The following NAALADL2 variants were observed in gnomAD, a reference collection of about 807,000 sequenced individuals.
NAALADL2 encodes inactive N-acetylated-alpha-linked acidic dipeptidase-like protein 2.
A neutral mutation model predicts 87.2 loss-of-function variants in NAALADL2; 76 were observed. The ratio of observed to expected loss-of-function variants is 0.87; its 90% confidence interval spans 0.72 to 1.05. The LOEUF (loss-of-function observed/expected upper bound fraction) is 1.05, where lower values mean the gene tolerates loss of function less well. NAALADL2 is among the 50% of genes least tolerant of loss of function. NAALADL2 has a pLI of 0.00. For synonymous variants in NAALADL2, 354 were observed against 331.0 expected, an observed-to-expected ratio of 1.07 and a Z score of -0.75; for missense variants, 1,089 against 945.8, an observed-to-expected ratio of 1.15 and a Z score of -1.99.
Position 175,759,352 on chromosome 3 carries a change from C to CT in NAALADL2, c.2189+3952dup, listed in dbSNP as rs768277021. ...ATTGTCTTGTGGTAATCAAGAAAGA[C>CT]TTTTTTTTTTTTTTTTTTCTTTTGA... On this transcript the variant is annotated intron_variant, in intron 13 of 13. Transcript: ENST00000454872. Among the ~76,000 whole-genome samples the CT allele has an allele frequency of 8.7e-3, 1,214 of 139,892 alleles. 17 individuals are homozygous for CT. Among genetic ancestry groups the CT allele is most frequent in the South Asian group, 0.049 (212 of 4,358 alleles). 91.8% of individuals were successfully genotyped at this position (139,892 alleles called of 152,430 possible).
intron 5 of NAALADL2, among the ~76,000 whole-genome samples, chr3:175,392,514 A>G (rs1007182510): frequency 1.3e-5 from 2 of 152,218 alleles, no homozygotes; most frequent in Non-Finnish European, 2.9e-5. Context: ...CCTTTCCAAT[A>G]AAATACCTAC....
intron 1 of NAALADL2, among the ~76,000 whole-genome samples, chr3:174,492,641 A>G (rs935641201): frequency 1.3e-5 from 2 of 152,246 alleles, no homozygotes; most frequent in Non-Finnish European, 2.9e-5. Flanking sequence ...TGGAAGGTCT[A>G]TGGTTTTCAG....
intron 2 of NAALADL2, among the ~76,000 whole-genome samples, chr3:175,108,648 C>T (rs1177060026): frequency 1.3e-5 from 2 of 151,898 alleles, no homozygotes; most frequent in African/African-American, 2.4e-5. Flanking sequence ...CAAGCTGCTA[C>T]ATAGATTTAA....
intron 10 of NAALADL2, among the ~76,000 whole-genome samples, chr3:175,578,816 G>A (rs1001816584): frequency 5.3e-5 from 8 of 152,192 alleles, no homozygotes; most frequent in African/African-American, 1.4e-4. Context: ...GAAATATTGT[G>A]TACTTTTTCT....
chr3:175,531,496 T>C (rs145015057), intron 9 of NAALADL2, among the ~76,000 whole-genome samples: 152 of 152,330 alleles, frequency 1.0e-3, no homozygotes, highest in Non-Finnish European at 1.7e-3. Context: ...AATCAGCATG[T>C]CATCAGTGTA....
chr3:175,390,736 C>A lies in NAALADL2; in HGVS notation c.1091-56493C>A, dbSNP rs534419978. On this transcript the variant is annotated intron_variant, in intron 5 of 13. Transcript: ENST00000454872. Reference sequence around the variant, plus strand: ...AAACTCCCTTTATAAACATAAATTTCTTTTGCAAAAGAGGAAATGTATACT... The same window carrying A: ...AAACTCCCTTTATAAACATAAATTTATTTTGCAAAAGAGGAAATGTATACT... 7.4e-4 allele frequency among the ~76,000 whole-genome samples: 112 copies of A among 152,094 alleles called. 1 individual carries two copies. The highest frequency in any genetic ancestry group is 2.6e-3 in the African/African-American group (106 of 41,498).
chr3:175,527,455 A>G (rs1733572224), intron 9 of NAALADL2, among the ~76,000 whole-genome samples: 1 of 152,174 alleles, frequency 6.6e-6, no homozygotes, highest in South Asian at 2.1e-4. Flanking sequence ...TTGAGAAATT[A>G]TTGTTGGATT....
chr3:174,883,125 A>G (rs1007331715), intron 1 of NAALADL2, among the ~76,000 whole-genome samples: 2 of 151,686 alleles, frequency 1.3e-5, no homozygotes, highest in Admixed American at 6.6e-5. Flanking sequence ...ATCTTTTCAC[A>G]TTTTCTTGCC....
At chr3:175,438,512 C>T (rs1719135449) in intron 5 of NAALADL2, among the ~76,000 whole-genome samples, 2 of 151,976 alleles carry the variant, frequency 1.3e-5, no homozygotes, top group Admixed American at 6.6e-5. Flanking sequence ...TCAGTTTGTT[C>T]AATTGATGTT....
chr3:175,654,469 C>T (rs531097132), intron 11 of NAALADL2, among the ~76,000 whole-genome samples: 1 of 152,240 alleles, frequency 6.6e-6, no homozygotes, highest in African/African-American at 2.4e-5. Flanking sequence ...AGCCTTAGAT[C>T]TTTAAACTTC....
rs367659572 is a variant in NAALADL2, at chr3:174,910,981, T to C, written c.43+51531T>C. 5.9e-5 allele frequency among the ~76,000 whole-genome samples: 9 copies of C among 152,186 alleles called. No individual in the cohort carries two copies. In the East Asian group the frequency reaches 9.7e-4, roughly 16 times the overall value. ...TATGAGCTTCCAGGCTGCACTTGCATCTTGTTTATCTCACGGTTCTCAGGG... is the reference window on the plus strand; with the variant it reads ...TATGAGCTTCCAGGCTGCACTTGCACCTTGTTTATCTCACGGTTCTCAGGG... On this transcript the variant is annotated intron_variant, in intron 1 of 13. Coordinates refer to ENST00000454872, the MANE Select transcript of NAALADL2 (RefSeq NM_207015.3).
chr3:175,694,332 C>A (rs994501947), intron 11 of NAALADL2, among the ~76,000 whole-genome samples: 21 of 152,198 alleles, frequency 1.4e-4, no homozygotes, highest in African/African-American at 5.1e-4. Context: ...TTAAAAATAG[C>A]ATTTCCTTTT....
intron 1 of NAALADL2, among the ~76,000 whole-genome samples, chr3:174,934,856 C>CTTCA (rs1737448878): frequency 6.6e-6 from 1 of 151,866 alleles, no homozygotes; most frequent in African/African-American, 2.4e-5. Context: ...TTATAGGATA[C>CTTCA]GTTCAATCAT....
At chr3:174,540,923 A>G (rs765364769) in intron 1 of NAALADL2, among the ~76,000 whole-genome samples, 2 of 152,158 alleles carry the variant, frequency 1.3e-5, no homozygotes, top group African/African-American at 2.4e-5. Flanking sequence ...CTTAATAGCT[A>G]CTGCGCAACT....
intron 1 of NAALADL2, among the ~76,000 whole-genome samples, chr3:174,963,007 GTAT>G (rs1742337882): frequency 6.6e-6 from 1 of 152,000 alleles, no homozygotes; most frequent in South Asian, 2.1e-4. Flanking sequence ...TGTTTGATTT[GTAT>G]TATTTTTCAT....
intron 2 of NAALADL2, among the ~76,000 whole-genome samples, chr3:175,165,453 A>G (rs934864829): frequency 6.6e-6 from 1 of 152,184 alleles, no homozygotes; most frequent in Admixed American, 6.6e-5. Flanking sequence ...AAAAATTCAT[A>G]TTCTAAAATT....
intron 4 of NAALADL2, among the ~76,000 whole-genome samples, chr3:175,267,250 A>T (rs1752086412): frequency 6.6e-6 from 1 of 152,074 alleles, no homozygotes; most frequent in Admixed American, 6.6e-5. Flanking sequence ...GAATCACTAA[A>T]TACGTAGGAT....
intron 4 of NAALADL2, among the ~76,000 whole-genome samples, chr3:175,283,057 A>G (rs907285698): frequency 6.6e-6 from 1 of 152,076 alleles, no homozygotes; most frequent in Admixed American, 6.6e-5. Context: ...ATATAGTATT[A>G]TAGACACAAT....
chr3:175,131,848 G>A lies in NAALADL2; in HGVS notation c.545+34557G>A, dbSNP rs1462161907. On this transcript the variant is annotated intron_variant, in intron 2 of 13. Transcript: ENST00000454872. Reference sequence around the variant, plus strand: ...GACCCCCCCCACCTCCCTCCCGGACGGGGCGGCTGGCCGGGCGGGGTCTGA... The same window carrying A: ...GACCCCCCCCACCTCCCTCCCGGACAGGGCGGCTGGCCGGGCGGGGTCTGA... Among the ~76,000 whole-genome samples, 3 of 82,008 alleles carry A rather than the reference G, an allele frequency of 3.7e-5. No homozygotes were observed. The East Asian group carries it at 1.4e-3, about 37-fold the overall frequency. The allele number at this position is 82,008 out of a possible 152,430, so 53.8% of individuals were successfully genotyped here.
Sources: gnomAD v4.1 joint callset for allele counts (sites outside exome capture counted in the v4.1 genomes callset) on GRCh38, gnomAD v4.1.1 for gene constraint, MANE v1.5 for transcripts, NCBI Gene and HGNC (gene_info 2026-07-23, HGNC 2026-07-21) for gene names.